Variants in UNC13C observed in about 807,000 individuals in gnomAD.
The protein encoded by UNC13C is unc-13 homolog C.
Under a neutral mutation model 245.4 loss-of-function variants are expected in UNC13C, and 174 were observed. The observed-to-expected ratio is 0.71, with a 90% CI of 0.63 to 0.80. The LOEUF (loss-of-function observed/expected upper bound fraction) is 0.80, where lower values mean the gene tolerates loss of function less well. Among genes scored for constraint, UNC13C ranks in the 30% least tolerant of loss-of-function variants. The probability of loss-of-function intolerance (pLI) is 0.00; values close to 1 mark genes in which losing one functional copy is unlikely to be tolerated. For synonymous variants in UNC13C, 992 were observed against 895.1 expected (o/e 1.11, Z -1.93); for missense variants, 2,829 against 2,602.9 (o/e 1.09, Z -1.89).
At chr15:53,946,770 T>C in the UNC13C span, among the ~76,000 whole-genome samples, 1 of 151,962 alleles carries the variant, frequency 6.6e-6, no homozygotes, top group South Asian at 2.1e-4. Flanking sequence ...GTTTTCATTT[T>C]AGTTCTGCTT....
At chr15:54,132,297 C>T (rs182973907) in intron 2 of UNC13C, among the ~76,000 whole-genome samples, 46 of 152,210 alleles carry the variant, frequency 3.0e-4, no homozygotes, top group Admixed American at 2.8e-3. Flanking sequence ...GTCTCGATCT[C>T]CTGACCTCGT....
chr15:53,975,506 G>A (rs1486208752), upstream of UNC13C, among the ~76,000 whole-genome samples: 1 of 152,108 alleles, frequency 6.6e-6, no homozygotes, highest in Non-Finnish European at 1.5e-5. Flanking sequence ...TAAAGATCGA[G>A]GTTTTCTAAA....
At chr15:54,108,284 T>C (rs1245813687) in intron 2 of UNC13C, among the ~76,000 whole-genome samples, 1 of 152,166 alleles carries the variant, frequency 6.6e-6, no homozygotes, top group Admixed American at 6.5e-5. Context: ...CCTCCAGGGT[T>C]CAAGCTATTC....
chr15:53,976,897 T>A (rs971298146), upstream of UNC13C: 9 of 152,188 alleles, frequency 5.9e-5, no homozygotes, highest in Non-Finnish European at 2.9e-5. Flanking sequence ...AACACGTTCT[T>A]CAAAATAGTG....
chr15:54,609,962 C>G (rs1256941918), intron 30 of UNC13C, among the ~76,000 whole-genome samples: 2 of 152,116 alleles, frequency 1.3e-5, no homozygotes, highest in Non-Finnish European at 2.9e-5. Context: ...AACTCACTCA[C>G]TGTCATGAGA....
Position 54,112,306 on chromosome 15 carries a change from G to C in UNC13C, c.2984-30712G>C, listed in dbSNP as rs528883740. ...AAAGAGAGTAGCTCTCTTTCCTGCA[G>C]AGAGAGAGGGGCTCCTGAGTGGGTC... On this transcript the variant is annotated intron_variant, in intron 2 of 32. Transcript: ENST00000260323. 2.0e-5 allele frequency among the ~76,000 whole-genome samples: 3 copies of C among 152,262 alleles called. No homozygotes were observed. The South Asian group carries it at 6.2e-4, about 32-fold the overall frequency.
chr15:54,530,680 A>G (rs923491344), intron 25 of UNC13C, among the ~76,000 whole-genome samples: 1 of 152,258 alleles, frequency 6.6e-6, no homozygotes, highest in Middle Eastern at 3.4e-3. Context: ...TTAACGAGGG[A>G]CCAAGAGAGC....
At chr15:54,341,099 T>C (rs1354030661) in intron 17 of UNC13C, among the ~76,000 whole-genome samples, 2 of 152,198 alleles carry the variant, frequency 1.3e-5, no homozygotes, top group Non-Finnish European at 2.9e-5. Context: ...GCAATCCCAT[T>C]ACTGAGAATC....
At chr15:54,470,901 A>T (rs1295122388) in intron 19 of UNC13C, among the ~76,000 whole-genome samples, 1 of 151,256 alleles carries the variant, frequency 6.6e-6, no homozygotes, top group East Asian at 1.9e-4. Flanking sequence ...TCCCTCTCAG[A>T]ACTACTTTTG....
chr15:54,181,446 CT>C (rs2033794563), intron 4 of UNC13C, among the ~76,000 whole-genome samples: 1 of 151,248 alleles, frequency 6.6e-6, no homozygotes, highest in South Asian at 2.1e-4. Context: ...GGCTGTGGCT[CT>C]GTTTTTTGTT....
chr15:54,576,028 T>G (rs933350254), intron 30 of UNC13C, among the ~76,000 whole-genome samples: 4 of 152,200 alleles, frequency 2.6e-5, no homozygotes, highest in African/African-American at 4.8e-5. Context: ...GGATGTTGAC[T>G]CCAAAAGTAG....
At position 54,096,740 on chromosome 15, in the gene UNC13C, C is replaced by G. The variant is rs547060862; in HGVS notation, c.2984-46278C>G. On this transcript the variant is annotated intron_variant, in intron 2 of 32. Transcript: ENST00000260323. Reference sequence around the variant, plus strand: ...TCTTGTACTCGTCTTCCTCCTTTAACTATACGGTAGACTTCCAGGCCAGCA... The same window carrying G: ...TCTTGTACTCGTCTTCCTCCTTTAAGTATACGGTAGACTTCCAGGCCAGCA... Among the ~76,000 whole-genome samples the G allele has an allele frequency of 7.8e-4, 119 of 152,236 alleles. 2 individuals are homozygous for G. Among genetic ancestry groups the G allele is most frequent in the African/African-American group, 2.7e-3 (112 of 41,544 alleles).
intron 19 of UNC13C, among the ~76,000 whole-genome samples, chr15:54,458,124 A>T (rs1240477538): frequency 6.6e-6 from 1 of 151,902 alleles, no homozygotes; most frequent in Non-Finnish European, 1.5e-5. Context: ...TTAATTTTCC[A>T]TCTTGATTTC....
At chr15:54,321,119 C>A (rs542125609) in intron 13 of UNC13C, 1 of 514,912 alleles carries the variant, frequency 1.9e-6, no homozygotes, top group Non-Finnish European at 3.8e-6. Context: ...CTGGGTGAGG[C>A]ACTAGCCATC....
chr15:54,610,175 A>G (rs557276983), intron 30 of UNC13C, among the ~76,000 whole-genome samples: 2 of 152,298 alleles, frequency 1.3e-5, no homozygotes, highest in East Asian at 3.9e-4. Context: ...GTGCATTCAC[A>G]GTATGTCATA....
chr15:54,180,454 A>G (rs925532952), intron 4 of UNC13C, among the ~76,000 whole-genome samples: 1 of 151,984 alleles, frequency 6.6e-6, no homozygotes, highest in Admixed American at 6.6e-5. Context: ...GAATAGTGTG[A>G]TGAACATGAG....
chr15:53,937,575 A>T, the UNC13C span, among the ~76,000 whole-genome samples: 1 of 152,180 alleles, frequency 6.6e-6, no homozygotes, highest in Non-Finnish European at 1.5e-5. Flanking sequence ...CCCAAGACAC[A>T]TAATCATCAG....
In UNC13C at chr15:54,548,208, C is replaced by CTTTTTTTTTTTTTTTT. The variant is rs60975842; in HGVS notation, c.5820+1378_5820+1393dup. 1.8e-4 allele frequency among the ~76,000 whole-genome samples: 11 copies of CTTTTTTTTTTTTTTTT among 61,938 alleles called. 2 individuals carry two copies. Among genetic ancestry groups the CTTTTTTTTTTTTTTTT allele is most frequent in the African/African-American group, 3.9e-4 (9 of 22,944 alleles). 40.6% of individuals were successfully genotyped at this position (61,938 alleles called of 152,430 possible). On this transcript the variant is annotated intron_variant, in intron 27 of 32. Coordinates refer to ENST00000260323, the MANE Select transcript of UNC13C (RefSeq NM_001080534.3). ...TGTTGTTGTTGTTTTGTTTCTTTTG[C>CTTTTTTTTTTTTTTTT]TTTTTTTTTTTTTTTTTTTTTTTTT...
At chr15:54,026,062 T>A (rs1896096691) in intron 2 of UNC13C, among the ~76,000 whole-genome samples, 1 of 152,078 alleles carries the variant, frequency 6.6e-6, no homozygotes, top group Admixed American at 6.5e-5. Flanking sequence ...CCTATACACA[T>A]ACATAAAATG....
Sources: gnomAD v4.1 joint callset for allele counts (sites outside exome capture counted in the v4.1 genomes callset) on GRCh38, gnomAD v4.1.1 for gene constraint, MANE v1.5 for transcripts, NCBI Gene and HGNC (gene_info 2026-07-23, HGNC 2026-07-21) for gene names.